The following NCAM2 variants were observed in gnomAD, a reference collection of about 807,000 sequenced individuals.
NCAM2 encodes the protein N-CAM-2.
In NCAM2, 30 loss-of-function variants were observed where a neutral mutation model predicts 98.1. That is an observed-to-expected ratio of 0.31 (90% CI 0.23 to 0.41). The LOEUF (loss-of-function observed/expected upper bound fraction) is 0.41. Ranked by LOEUF, NCAM2 falls within the 10% of genes least tolerant of loss-of-function variation. The pLI, the probability that NCAM2 is intolerant of heterozygous loss-of-function variation, is 1.00. For synonymous variants in NCAM2, 368 were observed against 342.4 expected (o/e 1.07, Z -0.83); for missense variants, 867 against 1,005.8 (o/e 0.86, Z 1.87).
chr21:21,248,812 A>AAAAAAAAAC (rs2071377862), intron 1 of NCAM2, among the ~76,000 whole-genome samples: 1 of 116,244 alleles, frequency 8.6e-6, no homozygotes, highest in Admixed American at 9.7e-5. Flanking sequence ...AAAAAAAAAA[A>AAAAAAAAAC]AAAAAGATTT....
At chr21:21,414,480 T>C (rs2076948553) in intron 10 of NCAM2, among the ~76,000 whole-genome samples, 1 of 150,444 alleles carries the variant, frequency 6.6e-6, no homozygotes. Context: ...TGTGTTTTTT[T>C]TTTTTTTTGA....
At chr21:21,249,070 T>C (rs2826752) in intron 1 of NCAM2, among the ~76,000 whole-genome samples, 51,583 of 151,916 alleles carry the variant, frequency 0.34, 9,273 homozygotes, top group Non-Finnish European at 0.4. Context: ...TTACCAATTA[T>C]GAGGTAAAAA....
intron 1 of NCAM2, among the ~76,000 whole-genome samples, chr21:21,234,906 C>A (rs2070759079): frequency 6.6e-6 from 1 of 152,004 alleles, no homozygotes; most frequent in African/African-American, 2.4e-5. Flanking sequence ...TAGTAATAAG[C>A]AAATTGCAGC....
intron 1 of NCAM2, among the ~76,000 whole-genome samples, chr21:21,221,896 T>TA (rs916370504): frequency 2.6e-5 from 4 of 152,134 alleles, no homozygotes; most frequent in Non-Finnish European, 4.4e-5. Flanking sequence ...TACAGAGAAG[T>TA]AAATGCCGGG....
intron 1 of NCAM2, among the ~76,000 whole-genome samples, chr21:21,214,311 G>A (rs1188611286): frequency 4.6e-5 from 7 of 152,130 alleles, no homozygotes; most frequent in Admixed American, 2.0e-4. Context: ...CTTTAGTAAT[G>A]TCAGTATTTC....
chr21:21,391,395 CATAG>C (rs2076377444), intron 9 of NCAM2, among the ~76,000 whole-genome samples: 1 of 151,916 alleles, frequency 6.6e-6, no homozygotes, highest in Non-Finnish European at 1.5e-5. Flanking sequence ...AAATATGTGT[CATAG>C]ATAGTATACA....
chr21:21,087,868 G>A (rs754873553), intron 1 of NCAM2, among the ~76,000 whole-genome samples: 3 of 152,160 alleles, frequency 2.0e-5, no homozygotes, highest in Non-Finnish European at 4.4e-5. Flanking sequence ...TACTGGGTAT[G>A]ATCAATTGCT....
rs149576399 is a variant in NCAM2, at chr21:21,237,370, G to A, written c.56-43208G>A. Among the ~76,000 whole-genome samples, 123 of 152,168 alleles carry A rather than the reference G, an allele frequency of 8.1e-4. 1 individual carries two copies. In the East Asian group the frequency reaches 0.015, roughly 19 times the overall value. The stretch of plus-strand genomic sequence containing the variant: ...GCTCTGTCAGTAGGTAAGATGAAAC[G>A]TAAAACTCTGGGCAGGTTTAAATAT... On this transcript the variant is annotated intron_variant, in intron 1 of 17. Transcript: ENST00000400546.
chr21:21,391,001 A>G (rs1309825395), intron 9 of NCAM2, among the ~76,000 whole-genome samples: 1 of 152,208 alleles, frequency 6.6e-6, no homozygotes, highest in Non-Finnish European at 1.5e-5. Context: ...AAGTTATTCA[A>G]GAAGAAAATG....
intron 1 of NCAM2, among the ~76,000 whole-genome samples, chr21:21,248,886 G>T (rs936290506): frequency 2.1e-5 from 3 of 146,252 alleles, no homozygotes; most frequent in Non-Finnish European, 3.0e-5. Context: ...GATTGAACTT[G>T]CACTTTATCT....
chr21:21,015,989 T>C lies in NCAM2; in HGVS notation c.55+17371T>C, dbSNP rs552401051. Among the ~76,000 whole-genome samples the C allele has an allele frequency of 2.0e-5, 3 of 152,198 alleles. No individual in the cohort carries two copies. The South Asian group carries it at 6.2e-4, about 32-fold the overall frequency. On this transcript the variant is annotated intron_variant, in intron 1 of 17. Coordinates refer to ENST00000400546, the MANE Select transcript of NCAM2 (RefSeq NM_004540.5). ...TCCCAAAATGCTGGCATTACAGACGTGAGCCACAATGCCCAGTCGCCTGTA... is the reference window on the plus strand; with the variant it reads ...TCCCAAAATGCTGGCATTACAGACGCGAGCCACAATGCCCAGTCGCCTGTA...
At chr21:21,357,789 T>A (rs1246284994) in intron 8 of NCAM2, among the ~76,000 whole-genome samples, 2 of 151,372 alleles carry the variant, frequency 1.3e-5, no homozygotes, top group Non-Finnish European at 3.0e-5. Context: ...CTAAGACAAA[T>A]AAAAAAACAA....
intron 15 of NCAM2, among the ~76,000 whole-genome samples, chr21:21,482,410 C>T (rs934500074): frequency 6.6e-6 from 1 of 151,968 alleles, no homozygotes; most frequent in South Asian, 2.1e-4. Context: ...TAAACTAGCA[C>T]ATCTTAAGTC....
At chr21:21,327,667 A>G (rs1019874926) in intron 6 of NCAM2, among the ~76,000 whole-genome samples, 1 of 152,288 alleles carries the variant, frequency 6.6e-6, no homozygotes, top group African/African-American at 2.4e-5. Context: ...CAACCAAACA[A>G]AAACCACCAG....
At chr21:21,418,107 AT>A (rs2077030668) in intron 10 of NCAM2, among the ~76,000 whole-genome samples, 1 of 77,594 alleles carries the variant, frequency 1.3e-5, no homozygotes, top group Admixed American at 1.0e-4. Context: ...ATATATATAC[AT>A]GTATACATAA....
At chr21:21,418,285 T>C (rs901752034) in intron 10 of NCAM2, among the ~76,000 whole-genome samples, 188 bp from the exon 11 acceptor site, 1 of 152,050 alleles carries the variant, frequency 6.6e-6, no homozygotes, top group Admixed American at 6.6e-5. Flanking sequence ...TATTACGGGC[T>C]CATGGATACA....
chr21:21,006,489 A>G (rs867649360), intron 1 of NCAM2, among the ~76,000 whole-genome samples: 26 of 152,308 alleles, frequency 1.7e-4, no homozygotes, highest in Non-Finnish European at 1.8e-4. Flanking sequence ...AGCCTGGGTG[A>G]CAGAGTGAGA....
chr21:21,119,883 T>C (rs1385593343), intron 1 of NCAM2, among the ~76,000 whole-genome samples: 4 of 152,226 alleles, frequency 2.6e-5, no homozygotes, highest in Non-Finnish European at 4.4e-5. Flanking sequence ...AGTGTGAATG[T>C]TTAAATAAAC....
At chr21:21,047,199 G>C (rs559260751) in intron 1 of NCAM2, among the ~76,000 whole-genome samples, 109 of 152,152 alleles carry the variant, frequency 7.2e-4, no homozygotes, top group African/African-American at 2.5e-3. Context: ...GTTTTTACTG[G>C]GGTATTTAAG....
Sources: gnomAD v4.1 joint callset for allele counts (sites outside exome capture counted in the v4.1 genomes callset) on GRCh38, gnomAD v4.1.1 for gene constraint, MANE v1.5 for transcripts, NCBI Gene and HGNC (gene_info 2026-07-23, HGNC 2026-07-21) for gene names.